KDM4C: variants seen among roughly 807,000 people sequenced by gnomAD.
KDM4C encodes lysine demethylase 4C, also known as lysine-specific demethylase 4C.
In KDM4C, 81 loss-of-function variants were observed where a neutral mutation model predicts 129.3. That is an observed-to-expected ratio of 0.63 (90% confidence interval 0.52 to 0.75). KDM4C has a LOEUF of 0.75. Ranked by LOEUF, KDM4C falls within the 30% of genes least tolerant of loss-of-function variation. The pLI, the probability that KDM4C is intolerant of heterozygous loss-of-function variation, is 0.00. For synonymous variants in KDM4C, 573 were observed against 456.1 expected (o/e 1.26, Z -3.26); for missense variants, 1,457 against 1,304.0 (o/e 1.12, Z -1.81).
rs937398201 is a variant in KDM4C, at chr9:6,951,003, T to G, written c.922-29922T>G. Reference sequence around the variant, plus strand: ...GCCATCTCTGAAGGGAGGCATTCATTTATTCATTCTTTAACATTTTTAAAT... The same window carrying G: ...GCCATCTCTGAAGGGAGGCATTCATGTATTCATTCTTTAACATTTTTAAAT... On this transcript the variant is annotated intron_variant, in intron 8 of 21. Transcript: ENST00000381309. Among the ~76,000 whole-genome samples the G allele has an allele frequency of 3.9e-5, 6 of 152,266 alleles. No homozygotes were observed. The East Asian group carries it at 1.2e-3, about 29-fold the overall frequency.
intron 19 of KDM4C, among the ~76,000 whole-genome samples, chr9:7,161,730 G>A (rs893701172): frequency 6.6e-6 from 1 of 152,152 alleles, no homozygotes; most frequent in Non-Finnish European, 1.5e-5. Context: ...TCAGTAAATA[G>A]GTTTTGAATT....
Position 7,102,735 on chromosome 9 carries a change from A to G in KDM4C, c.2425-950A>G, listed in dbSNP as rs541843856. Among the ~76,000 whole-genome samples, 5 of 152,330 alleles carry G rather than the reference A, an allele frequency of 3.3e-5. No individual in the cohort carries two copies. In the East Asian group the frequency reaches 9.6e-4, roughly 29 times the overall value. On this transcript the variant is annotated intron_variant, in intron 17 of 21. Coordinates refer to ENST00000381309, the MANE Select transcript of KDM4C (RefSeq NM_015061.6). ...TTGTCCCAGAAAAGAAAATCTACCT[A>G]TAAAAGAAGAGCACCAACATTTGAT...
intron 12 of KDM4C, among the ~76,000 whole-genome samples, chr9:6,999,138 G>T (rs1000420437): frequency 7.9e-5 from 12 of 152,168 alleles, no homozygotes; most frequent in Admixed American, 1.3e-4. Context: ...TTTAGAATTG[G>T]CTGTTGCCCT....
At chr9:6,975,054 T>C (rs907910956) in intron 8 of KDM4C, 1 of 152,246 alleles carries the variant, frequency 6.6e-6, no homozygotes, top group African/African-American at 2.4e-5. Flanking sequence ...TCTTTGTCTA[T>C]TTGAACAGTG....
At chr9:6,793,176 C>G in intron 2 of KDM4C, 44 bp downstream of exon 2, 2 of 1,585,298 alleles carry the variant, frequency 1.3e-6, no homozygotes, top group African/African-American at 1.4e-5. Flanking sequence ...ATCACTTGGC[C>G]TTTAATTTAT....
intron 7 of KDM4C, among the ~76,000 whole-genome samples, chr9:6,892,014 G>A (rs1301544021): frequency 6.6e-6 from 1 of 152,082 alleles, no homozygotes; most frequent in East Asian, 1.9e-4. Flanking sequence ...TTAAAAATGT[G>A]GTTTTACAAC....
At chr9:6,995,814 G>A (rs1186331169) in intron 12 of KDM4C, among the ~76,000 whole-genome samples, 3 of 152,108 alleles carry the variant, frequency 2.0e-5, no homozygotes, top group Non-Finnish European at 4.4e-5. Context: ...TGGGACTACA[G>A]GCGCCTGCCA....
chr9:6,853,381 G>T (rs1839203158), intron 5 of KDM4C, among the ~76,000 whole-genome samples: 1 of 152,064 alleles, frequency 6.6e-6, no homozygotes, highest in African/African-American at 2.4e-5. Flanking sequence ...AGCCCCAGCT[G>T]ATCGGAAGGC....
intron 17 of KDM4C, among the ~76,000 whole-genome samples, chr9:7,054,082 C>G (rs1469217140): frequency 6.6e-6 from 1 of 152,188 alleles, no homozygotes; most frequent in African/African-American, 2.4e-5. Flanking sequence ...GTGGCAAGTC[C>G]TATTACTGCA....
intron 18 of KDM4C, among the ~76,000 whole-genome samples, chr9:7,123,368 C>G (rs1003288754): frequency 6.6e-6 from 1 of 152,168 alleles, no homozygotes; most frequent in Non-Finnish European, 1.5e-5. Flanking sequence ...TACATGCACA[C>G]CTAGCCAAAG....
At chr9:6,970,862 T>C (rs1831862921) in intron 8 of KDM4C, among the ~76,000 whole-genome samples, 1 of 116,390 alleles carries the variant, frequency 8.6e-6, no homozygotes, top group Non-Finnish European at 1.6e-5. Context: ...ACTCATGGAA[T>C]GTAGGATGAA....
intron 5 of KDM4C, among the ~76,000 whole-genome samples, chr9:6,864,295 C>A (rs1486494621): frequency 6.6e-6 from 1 of 152,164 alleles, no homozygotes; most frequent in African/African-American, 2.4e-5. Context: ...ATGACAATCC[C>A]CATTTTTCAG....
At chr9:6,815,648 C>T (rs960255177) in intron 4 of KDM4C, among the ~76,000 whole-genome samples, 11 of 152,194 alleles carry the variant, frequency 7.2e-5, no homozygotes, top group African/African-American at 2.4e-4. Context: ...TCTAAATGCT[C>T]CAGTGAGCAT....
chr9:6,747,211 A>AACCC (rs1817911535), intron 1 of KDM4C, among the ~76,000 whole-genome samples: 1 of 136,900 alleles, frequency 7.3e-6, no homozygotes, highest in African/African-American at 2.9e-5. Context: ...CAAACCAACC[A>AACCC]ACCAACCAAC....
At chr9:6,781,712 C>T (rs1015880957) in intron 1 of KDM4C, among the ~76,000 whole-genome samples, 3 of 152,072 alleles carry the variant, frequency 2.0e-5, no homozygotes, top group Admixed American at 6.6e-5. Flanking sequence ...TGTTTGGCCT[C>T]AGCTGGGAAT....
Position 6,984,324 on chromosome 9 carries a change from C to G in KDM4C, c.1274C>G (p.Thr425Arg). ...GAAGCAGCAGTGAAGCTGAGGAACACAGAAGCATCTTCAGAAGAAGAGTCA... is the reference window on the plus strand; with the variant it reads ...GAAGCAGCAGTGAAGCTGAGGAACAGAGAAGCATCTTCAGAAGAAGAGTCA... The part of the protein sequence containing the change: ...KSEAAVKLRN[T>R]EASSEEESSA... Residue 425 changes from threonine to arginine, a missense_variant, in exon 10 of 22, where the codon ACA becomes AGA. By Grantham distance (71) the Thr-to-Arg change is moderately conservative (BLOSUM62 -1). Coordinates refer to ENST00000381309, the MANE Select transcript of KDM4C (RefSeq NM_015061.6). 1 of 1,614,070 alleles carries G rather than the reference C, an allele frequency of 6.2e-7. No individual in the cohort carries two copies. Among genetic ancestry groups the G allele is most frequent in the Non-Finnish European group, 8.5e-7 (1 of 1,179,938 alleles).
At chr9:6,847,379 T>G (rs1467201403) in intron 4 of KDM4C, among the ~76,000 whole-genome samples, 1 of 152,122 alleles carries the variant, frequency 6.6e-6, no homozygotes, top group Non-Finnish European at 1.5e-5. Context: ...GTCTGAAAAG[T>G]TGGAACCTAG....
chr9:6,866,761 A>G (rs1842047035), intron 5 of KDM4C, among the ~76,000 whole-genome samples: 1 of 151,876 alleles, frequency 6.6e-6, no homozygotes, highest in Non-Finnish European at 1.5e-5. Context: ...AGGCAGATCA[A>G]AGGAAGGGGT....
At chr9:7,067,738 G>A (rs919144748) in intron 17 of KDM4C, among the ~76,000 whole-genome samples, 5 of 151,948 alleles carry the variant, frequency 3.3e-5, no homozygotes, top group Admixed American at 6.6e-5. Flanking sequence ...AATGAAAGTC[G>A]TCTTTAGCTC....
Sources: allele counts gnomAD v4.1 joint callset (sites outside exome capture counted in the v4.1 genomes callset), GRCh38; gene constraint gnomAD v4.1.1; transcripts MANE v1.5; gene names NCBI Gene and HGNC (gene_info 2026-07-23, HGNC 2026-07-21).